The following SETD5 variants were observed in gnomAD, a reference collection of about 807,000 sequenced individuals.
The protein encoded by SETD5 is histone-lysine N-methyltransferase SETD5.
SETD5 carries 44 observed loss-of-function variants against 153.3 expected under a neutral mutation model. That is an observed-to-expected ratio of 0.29 (90% CI 0.23 to 0.37). The LOEUF is 0.37. Among genes scored for constraint, SETD5 ranks in the 10% least tolerant of loss-of-function variants. The pLI is 1.00. For missense variants in SETD5, 1,544 were observed against 1,768.0 expected (o/e 0.87, Z 2.27); for synonymous variants, 716 against 645.2 (o/e 1.11, Z -1.66).
At chr3:9,468,244 C>A (rs1443004763) in intron 18 of SETD5, among the ~76,000 whole-genome samples, 2 of 152,030 alleles carry the variant, frequency 1.3e-5, no homozygotes. Flanking sequence ...CTAACTCTTT[C>A]CTTGTATGTG....
intron 13 of SETD5, among the ~76,000 whole-genome samples, chr3:9,445,962 G>GTTTTTTTTTTTTTTAT (rs1432231015): frequency 8.3e-6 from 1 of 120,248 alleles, no homozygotes; most frequent in Admixed American, 8.8e-5. Context: ...GTTTGAAGAG[G>GTTTTTTTTTTTTTTAT]TTGTTTTTTT....
intron 1 of SETD5, among the ~76,000 whole-genome samples, chr3:9,404,994 G>A (rs1220550776): frequency 6.6e-6 from 1 of 152,162 alleles, no homozygotes; most frequent in East Asian, 1.9e-4. Flanking sequence ...AAAGAAACTA[G>A]GACAAAGGGG....
intron 17 of SETD5, among the ~76,000 whole-genome samples, chr3:9,455,168 C>CTTTTTTTTTTTTTTTTTTTTTTT (rs903600741): frequency 1.0e-5 from 1 of 99,914 alleles, no homozygotes; most frequent in African/African-American, 4.0e-5. Flanking sequence ...TTCTTTTTTT[C>CTTTTTTTTTTTTTTTTTTTTTTT]TTTTTTTTTT....
rs1429741185 is a variant in SETD5, at chr3:9,464,537, A to T, written c.2589A>T (p.Ser863=). The change falls in exon 18 of 23, where the codon TCA becomes TCT. Residue 863 remains serine, a synonymous_variant. Transcript: ENST00000402198. ...PVTPPPPNSG[S]KSPQLATPGS... is the part of the protein sequence containing the mutation. Reference sequence around the variant, plus strand: ...CACCACCCCCTCCCAATTCAGGCTCAAAGAGTCCCCAGCTGGCCACACCTG... The same window carrying T: ...CACCACCCCCTCCCAATTCAGGCTCTAAGAGTCCCCAGCTGGCCACACCTG... 5 of 1,613,968 alleles carry T rather than the reference A, an allele frequency of 3.1e-6. No individual in the cohort carries two copies. Among genetic ancestry groups the T allele is most frequent in the Middle Eastern group, 3.3e-4 (2 of 6,062 alleles).
At chr3:9,423,118 C>T (rs1420487764) in intron 1 of SETD5, 1 of 152,244 alleles carries the variant, frequency 6.6e-6, no homozygotes, top group Non-Finnish European at 1.5e-5. Context: ...GTTCATAAAA[C>T]ACTTTTTGTT....
rs17050347 is a variant in SETD5, at chr3:9,441,631, G to A, written c.849G>A (p.Arg283=). 23,954 of 1,613,934 alleles carry A rather than the reference G, an allele frequency of 0.015. 274 individuals carry two copies. The highest frequency in any genetic ancestry group is 0.04 in the South Asian group (3,672 of 91,082). ...GAGTCACTCGTGTTCAAAAGCACCG[G>A]AAGATCCTGAGGGCTGCAAGAGATT... ...LGRVTRVQKH[R]KILRAARDLA... is the part of the protein sequence containing the mutation. Residue 283 remains arginine (R), a synonymous_variant, in exon 9 of 23, where the codon CGG becomes CGA. Coordinates refer to ENST00000402198, the MANE Select transcript of SETD5 (RefSeq NM_001080517.3).
At position 9,435,926 on chromosome 3, in the gene SETD5, C is replaced by G; in HGVS notation, c.567+20C>G. 1 of 1,544,002 alleles carries G rather than the reference C, an allele frequency of 6.5e-7. No individual in the cohort carries two copies. Among genetic ancestry groups the G allele is most frequent in the Non-Finnish European group, 8.7e-7 (1 of 1,146,608 alleles). ...ATCAAGGTATGCAGGGTAAAAATAT[C>G]TTAAATAGAAATTGTCTGAAATAGC... On this transcript the variant is annotated intron_variant, in intron 7 of 22. Coordinates refer to ENST00000402198, the MANE Select transcript of SETD5 (RefSeq NM_001080517.3).
chr3:9,407,581 A>G (rs545133909), intron 1 of SETD5, among the ~76,000 whole-genome samples: 14 of 152,352 alleles, frequency 9.2e-5, no homozygotes, highest in Non-Finnish European at 1.5e-4. Context: ...AGGGAGATGA[A>G]AAACAATTTT....
chr3:9,462,208 A>G (rs1446048344), intron 17 of SETD5, among the ~76,000 whole-genome samples: 1 of 152,206 alleles, frequency 6.6e-6, no homozygotes, highest in Non-Finnish European at 1.5e-5. Context: ...TCCTGGCCCA[A>G]AAATTTTCCT....
chr3:9,463,630 C>A (rs1417372670), intron 17 of SETD5, among the ~76,000 whole-genome samples: 1 of 152,084 alleles, frequency 6.6e-6, no homozygotes, highest in Admixed American at 6.5e-5. Flanking sequence ...TTGTAGAAAT[C>A]ATTTCATGCT....
chr3:9,476,477 A>C lies in SETD5; in HGVS notation c.*386A>C. The stretch of plus-strand genomic sequence containing the variant: ...TTAAATTTAAAAAAAAAAAAAAAAA[A>C]AGTTTTCAAAGGAAAAAAAGTTAAA... On this transcript the variant is annotated 3_prime_UTR_variant, in exon 23 of 23. Transcript: ENST00000402198. 6.2e-6 allele frequency: 1 copy of C among 162,558 alleles called. No individual in the cohort carries two copies. The highest frequency in any genetic ancestry group is 6.0e-5 in the Admixed American group (1 of 16,742). The allele number at this position is 162,558 out of a possible 1,614,324, so 10.1% of individuals were successfully genotyped here.
chr3:9,420,432 C>G (rs2038195777), intron 1 of SETD5, among the ~76,000 whole-genome samples: 1 of 151,868 alleles, frequency 6.6e-6, no homozygotes, highest in South Asian at 2.1e-4. Flanking sequence ...GCCTTTTATT[C>G]TAGTAAACTT....
rs749419350 is a variant in SETD5, at chr3:9,473,383, G to A, written c.3343G>A (p.Val1115Met). 6.2e-7 allele frequency: 1 copy of A among 1,613,958 alleles called. No individual in the cohort carries two copies. Among genetic ancestry groups the A allele is most frequent in the Non-Finnish European group, 8.5e-7 (1 of 1,179,884 alleles). The stretch of plus-strand genomic sequence containing the variant: ...CGTTTCCGACACTGGTGCCCATGGT[G>A]TGCAGGGATCCTCAGCCCGAACTCC... ...NSVSDTGAHG[V>M]QGSSARTPSS... The change falls in exon 20 of 23, where the codon GTG (valine) becomes ATG (methionine). Residue 1115 changes from valine to methionine, a missense_variant. Coordinates refer to ENST00000402198, the MANE Select transcript of SETD5 (RefSeq NM_001080517.3).
chr3:9,468,546 G>C, intron 18 of SETD5: 1 of 1,304,212 alleles, frequency 7.7e-7, no homozygotes, highest in Non-Finnish European at 1.0e-6. Context: ...GAGTTCCCCT[G>C]CGCATAGGCC....
rs957349763 is a variant in SETD5, at chr3:9,476,569, T to G, written c.*478T>G. On this transcript the variant is annotated 3_prime_UTR_variant, in exon 23 of 23. Coordinates refer to ENST00000402198, the MANE Select transcript of SETD5 (RefSeq NM_001080517.3). ...GGTTTTATGCACTTAAGAAAAAAGG[T>G]AGGTATGTAAATGTTCATCCTAAGA... 6.5e-6 allele frequency: 1 copy of G among 154,150 alleles called. No homozygotes were observed. Among genetic ancestry groups the G allele is most frequent in the African/African-American group, 2.4e-5 (1 of 40,990 alleles). The allele number at this position is 154,150 out of a possible 1,614,324, so 9.5% of individuals were successfully genotyped here.
intron 16 of SETD5, among the ~76,000 whole-genome samples, chr3:9,451,936 G>GT (rs745550458): frequency 6.6e-6 from 1 of 152,340 alleles, no homozygotes; most frequent in Non-Finnish European, 1.5e-5. Context: ...AACTTGCTGA[G>GT]TAGGTGCATC....
In SETD5 at chr3:9,448,309, G is replaced by A. The variant is rs976728170; in HGVS notation, c.2104-79G>A. 2.0e-6 allele frequency: 3 copies of A among 1,533,190 alleles called. No individual in the cohort carries two copies. The African/African-American group carries it at 4.1e-5, about 21-fold the overall frequency. The allele number at this position is 1,533,190 out of a possible 1,614,324, so 95.0% of individuals were successfully genotyped here. ...AGCTGCTGCATCTCCTCCTGTCCTA[G>A]TTTCTAGATGACGTTTGTCTTTATG... On this transcript the variant is annotated intron_variant, in intron 15 of 22. Transcript: ENST00000402198.
chr3:9,448,426 G>A lies in SETD5; in HGVS notation c.2142G>A (p.Lys714=). The A allele has an allele frequency of 6.2e-7, 1 of 1,613,948 alleles. No homozygotes were observed. The highest frequency in any genetic ancestry group is 1.7e-5 in the Admixed American group (1 of 60,024). The change falls in exon 16 of 23, where the codon AAG becomes AAA. Residue 714 remains lysine, a synonymous_variant. Transcript: ENST00000402198. ...AATGGTTGAATGACAAAGCAGAGAA[G>A]CAAGAGTGCCCTGTTGAGTGCCCTT... ...VTEWLNDKAE[K]QECPVECPLR...
intron 18 of SETD5, among the ~76,000 whole-genome samples, chr3:9,466,011 G>A (rs1050510148): frequency 4.6e-5 from 7 of 152,062 alleles, no homozygotes; most frequent in Admixed American, 2.6e-4. Flanking sequence ...GAAGGAGGCC[G>A]GGCGCAGTGG....
Sources: allele counts gnomAD v4.1 joint callset (sites outside exome capture counted in the v4.1 genomes callset), GRCh38; gene constraint gnomAD v4.1.1; transcripts MANE v1.5; gene names NCBI Gene and HGNC (gene_info 2026-07-23, HGNC 2026-07-21).